The following ADAMTSL1 variants were observed in gnomAD, a reference collection of about 807,000 sequenced individuals.
ADAMTSL1 encodes ADAMTS like 1.
ADAMTSL1 carries 126 observed loss-of-function variants against 201.8 expected under a neutral mutation model. The ratio of observed to expected loss-of-function variants is 0.62; its 90% CI spans 0.54 to 0.72. The LOEUF is 0.72. ADAMTSL1 is among the 30% of genes least tolerant of loss of function. ADAMTSL1 has a pLI of 0.00. For missense variants in ADAMTSL1, 2,679 were observed against 2,277.8 expected (o/e 1.18, Z -3.59); for synonymous variants, 1,121 against 903.4 (o/e 1.24, Z -4.32).
chr9:18,173,892 T>C (rs897199371), intron 2 of ADAMTSL1, among the ~76,000 whole-genome samples: 3 of 152,176 alleles, frequency 2.0e-5, no homozygotes, highest in African/African-American at 7.2e-5. Flanking sequence ...TTTACAGAAA[T>C]TCTTGCTAGG....
intron 1 of ADAMTSL1, among the ~76,000 whole-genome samples, chr9:17,925,814 C>G (rs1009857039): frequency 6.8e-5 from 10 of 147,758 alleles, no homozygotes; most frequent in African/African-American, 2.5e-4. Flanking sequence ...ATGTAACTAA[C>G]CTGCACAATG....
rs1243785928 is a variant in ADAMTSL1, at chr9:18,892,398, G to A, written c.4653G>A (p.Val1551=). The A allele has an allele frequency of 1.2e-6, 2 of 1,612,474 alleles. No individual in the cohort carries two copies. The highest frequency in any genetic ancestry group is 1.7e-4 in the Middle Eastern group (1 of 5,794). Residue 1551 remains valine (V), a synonymous_variant, in exon 26 of 29, where the codon GTG becomes GTA. Transcript: ENST00000380548. ...NRRDCPSRWM[V]TSWSACTRSC... ...TTCTTCCTCTCCCCAGGTGGATGGT[G>A]ACCTCCTGGTCTGCCTGTACCCGGA...
intron 15 of ADAMTSL1, among the ~76,000 whole-genome samples, chr9:18,728,492 G>T (rs1444519048): frequency 4.6e-5 from 7 of 152,060 alleles, no homozygotes; most frequent in Non-Finnish European, 8.8e-5. Context: ...CACATAACAA[G>T]CATCTTTGTG....
chr9:18,482,158 T>C (rs1004124085), intron 1 of ADAMTSL1, among the ~76,000 whole-genome samples: 4 of 152,184 alleles, frequency 2.6e-5, no homozygotes, highest in African/African-American at 7.2e-5. Flanking sequence ...AGTAGGATAG[T>C]TGAAAGAAAG....
chr9:17,940,237 T>C lies in ADAMTSL1; in HGVS notation c.87+33315T>C, dbSNP rs145582115. Among the ~76,000 whole-genome samples the C allele has an allele frequency of 4.9e-3, 743 of 152,228 alleles. 7 individuals carry two copies. Among genetic ancestry groups the C allele is most frequent in the African/African-American group, 0.017 (697 of 41,538 alleles). ...AAATGATATAATTTGTTTTTGAGAT[T>C]GTAACCTTTACGTCATTGTAGAGGG... On this transcript the variant is annotated intron_variant, in intron 1 of 29. Transcript: ENST00000680146.
intron 15 of ADAMTSL1, among the ~76,000 whole-genome samples, chr9:18,750,326 C>T (rs1020765942): frequency 1.3e-5 from 2 of 152,112 alleles, no homozygotes. Context: ...GTTCTGGCTC[C>T]TAACACAGTG....
At chr9:18,146,312 C>T (rs897568955) in intron 1 of ADAMTSL1, among the ~76,000 whole-genome samples, 1 of 152,082 alleles carries the variant, frequency 6.6e-6, no homozygotes, top group South Asian at 2.1e-4. Context: ...TTTATGGCAG[C>T]TTTATTTATA....
intron 1 of ADAMTSL1, among the ~76,000 whole-genome samples, chr9:18,005,678 T>A (rs893349153): frequency 6.6e-6 from 1 of 152,082 alleles, no homozygotes; most frequent in Non-Finnish European, 1.5e-5. Flanking sequence ...GCATCACATC[T>A]GGTAGACAGT....
At chr9:17,950,921 A>G (rs1827707152) in intron 1 of ADAMTSL1, among the ~76,000 whole-genome samples, 1 of 152,132 alleles carries the variant, frequency 6.6e-6, no homozygotes, top group Non-Finnish European at 1.5e-5. Context: ...GGCTTGACCC[A>G]GGGTCAAGTA....
chr9:18,135,884 C>T (rs1470956852), intron 1 of ADAMTSL1, among the ~76,000 whole-genome samples: 1 of 152,068 alleles, frequency 6.6e-6, no homozygotes, highest in Non-Finnish European at 1.5e-5. Context: ...AGGTACTATA[C>T]CAAAGGCTTT....
At chr9:18,497,059 C>T (rs1563997298) in intron 1 of ADAMTSL1, among the ~76,000 whole-genome samples, 1 of 152,062 alleles carries the variant, frequency 6.6e-6, no homozygotes, top group Non-Finnish European at 1.5e-5. Flanking sequence ...GGTGTTGGGC[C>T]TACATATTAT....
chr9:18,237,666 GA>G (rs1830899328), intron 2 of ADAMTSL1, among the ~76,000 whole-genome samples: 1 of 152,174 alleles, frequency 6.6e-6, no homozygotes, highest in Non-Finnish European at 1.5e-5. Flanking sequence ...TTACTATTTA[GA>G]AAAACTTAAG....
intron 7 of ADAMTSL1, among the ~76,000 whole-genome samples, chr9:18,655,423 A>G (rs550173399): frequency 6.6e-6 from 1 of 152,294 alleles, no homozygotes; most frequent in South Asian, 2.1e-4. Flanking sequence ...ACTCTTTTTT[A>G]TTAACATAAG....
upstream of ADAMTSL1, chr9:18,474,069 C>T: frequency 1.7e-6 from 1 of 578,360 alleles, no homozygotes; most frequent in South Asian, 2.2e-5. Flanking sequence ...GCTTACCCCC[C>T]ACCCATCCAC....
At chr9:18,660,653 C>T (rs1829029237) in intron 8 of ADAMTSL1, among the ~76,000 whole-genome samples, 2 of 152,058 alleles carry the variant, frequency 1.3e-5, no homozygotes, top group African/African-American at 4.8e-5. Context: ...TTTTAGAGTA[C>T]AGTGTAATTG....
intron 1 of ADAMTSL1, among the ~76,000 whole-genome samples, chr9:18,120,346 A>G (rs1044320772): frequency 8.5e-5 from 13 of 152,210 alleles, no homozygotes; most frequent in African/African-American, 2.9e-4. Context: ...ACCTAATCTC[A>G]GAAGTGGCAC....
At chr9:18,164,917 T>C (rs1319169794) in intron 2 of ADAMTSL1, among the ~76,000 whole-genome samples, 1 of 151,922 alleles carries the variant, frequency 6.6e-6, no homozygotes, top group African/African-American at 2.4e-5. Flanking sequence ...TTATTGTTTT[T>C]GTCATTTACA....
chr9:18,081,525 G>A (rs998515075), intron 1 of ADAMTSL1, among the ~76,000 whole-genome samples: 1 of 152,104 alleles, frequency 6.6e-6, no homozygotes, highest in Non-Finnish European at 1.5e-5. Flanking sequence ...ATTGTATGCA[G>A]GTGGATCAGG....
At chr9:17,922,439 C>T (rs1826343137) in intron 1 of ADAMTSL1, among the ~76,000 whole-genome samples, 1 of 152,134 alleles carries the variant, frequency 6.6e-6, no homozygotes, top group African/African-American at 2.4e-5. Flanking sequence ...TTTTTCATTG[C>T]AGATTCCTGA....
Sources: gnomAD v4.1 joint callset for allele counts (sites outside exome capture counted in the v4.1 genomes callset) on GRCh38, gnomAD v4.1.1 for gene constraint, MANE v1.5 for transcripts, NCBI Gene and HGNC (gene_info 2026-07-23, HGNC 2026-07-21) for gene names.